Variants in DYSF observed in about 807,000 individuals in gnomAD.
DYSF encodes the protein dystrophy-associated fer-1-like 1.
In DYSF, 212 loss-of-function variants were observed where a neutral mutation model predicts 274.9. The observed-to-expected ratio is 0.77, with a 90% confidence interval of 0.69 to 0.86. The LOEUF (loss-of-function observed/expected upper bound fraction) is 0.86. DYSF is among the 40% of genes least tolerant of loss of function. The pLI, the probability that DYSF is intolerant of heterozygous loss-of-function variation, is 0.00. For synonymous variants in DYSF, 1,091 were observed against 1,078.7 expected (o/e 1.01, Z -0.22); for missense variants, 2,666 against 2,783.2 (o/e 0.96, Z 0.95).
chr2:71,562,899 G>A (rs1418564686), intron 23 of DYSF, among the ~76,000 whole-genome samples: 1 of 152,168 alleles, frequency 6.6e-6, no homozygotes, highest in Non-Finnish European at 1.5e-5. Context: ...TGTAATCTCA[G>A]CCCAGACTGA....
chr2:71,610,956 G>T, intron 36 of DYSF: 1 of 470,584 alleles, frequency 2.1e-6, no homozygotes, highest in South Asian at 2.0e-5. Context: ...GCAGCTCAGG[G>T]GGCATCAGAG....
rs58100714 is a variant in DYSF at position 71,662,846 on chromosome 2, GTA to G, written c.5004-1420_5004-1419del. 4.8e-3 allele frequency among the ~76,000 whole-genome samples: 529 copies of G among 109,122 alleles called. 1 individual carries two copies. Among genetic ancestry groups the G allele is most frequent in the Middle Eastern group, 0.042 (7 of 168 alleles). The allele number at this position is 109,122 out of a possible 152,430, so 71.6% of individuals were successfully genotyped here. A position where few individuals can be genotyped will look rare whatever the true frequency, so the allele number is the denominator to read the frequency against. ...TATGTGCATTTGTGTATATGTGTGT[GTA>G]TGTGTGTGTGTCTGTGTCCATGTAT... On this transcript the variant is annotated intron_variant, in intron 45 of 55. Coordinates refer to ENST00000410020, the MANE Select transcript of DYSF (RefSeq NM_001130987.2).
At chr2:71,653,006 GT>G (rs1286934039) in intron 42 of DYSF, among the ~76,000 whole-genome samples, 4 of 152,224 alleles carry the variant, frequency 2.6e-5, no homozygotes, top group Non-Finnish European at 4.4e-5. Context: ...TGAAGACATT[GT>G]AAGTATAATT....
At chr2:71,590,100 G>A (rs2093214459) in intron 31 of DYSF, 111 bp from the exon 32 acceptor site, 5 of 1,057,082 alleles carry the variant, frequency 4.7e-6, no homozygotes, top group Non-Finnish European at 7.3e-6. Context: ...CCCTCATTCA[G>A]CCCCTCTGTC....
intron 40 of DYSF, among the ~76,000 whole-genome samples, chr2:71,617,236 A>G (rs531793136): frequency 9.2e-5 from 14 of 152,340 alleles, no homozygotes; most frequent in African/African-American, 2.6e-4. Context: ...AATTAGAGAA[A>G]TAACTTTTAG....
At chr2:71,676,875 G>C (rs990192844) in intron 52 of DYSF, among the ~76,000 whole-genome samples, 1 of 151,924 alleles carries the variant, frequency 6.6e-6, no homozygotes, top group African/African-American at 2.4e-5. Context: ...CATCCAGATA[G>C]CCTGTGTTTC....
At chr2:71,488,194 T>TCCCCAATGAAAAGAAA (rs1481716153) in intron 3 of DYSF, among the ~76,000 whole-genome samples, 5 of 152,074 alleles carry the variant, frequency 3.3e-5, no homozygotes, top group African/African-American at 1.2e-4. Context: ...AGAATTTTGG[T>TCCCCAATGAAAAGAAA]AAAATGAAAA....
intron 52 of DYSF, among the ~76,000 whole-genome samples, chr2:71,676,884 T>G (rs2095231127): frequency 6.6e-6 from 1 of 152,160 alleles, no homozygotes; most frequent in Non-Finnish European, 1.5e-5. Context: ...AGCCTGTGTT[T>G]CCTTACAGTC....
intron 26 of DYSF, 140 bp downstream of exon 26, chr2:71,568,478 C>T (rs1024816086): frequency 1.7e-6 from 2 of 1,143,700 alleles, no homozygotes; most frequent in Non-Finnish European, 1.2e-6. Flanking sequence ...CCGCTGAACT[C>T]TCCCAGGACT....
Position 71,669,170 on chromosome 2 carries a change from C to T in DYSF, c.5605C>T (p.Leu1869Phe), listed in dbSNP as rs1486691301. The change falls in exon 50 of 56, where the codon CTC becomes TTC. Residue 1869 changes from leucine (L) to phenylalanine (F), a missense_variant. Physicochemically the swap from Leu to Phe is conservative, Grantham distance 22. Transcript: ENST00000410020. ...AGATGTGATCCTGGATGACCTGAGC[C>T]TCACGGGGGAGAAGATGAGCGACAT... Reference protein sequence around the residue: ...TRDVILDDLSLTGEKMSDIYV... With the variant: ...TRDVILDDLSFTGEKMSDIYV... 2.5e-6 allele frequency: 4 copies of T among 1,610,696 alleles called. No individual in the cohort carries two copies. The highest frequency in any genetic ancestry group is 3.4e-6 in the Non-Finnish European group (4 of 1,178,700).
chr2:71,466,541 C>T (rs2081543410), upstream of DYSF, among the ~76,000 whole-genome samples: 1 of 152,168 alleles, frequency 6.6e-6, no homozygotes, highest in East Asian at 1.9e-4. Flanking sequence ...GGAGCTGGGA[C>T]CCGCGGAGCT....
chr2:71,535,176 T>A, intron 15 of DYSF, 87 bp downstream of exon 15: 1 of 1,600,632 alleles, frequency 6.2e-7, no homozygotes, highest in South Asian at 1.1e-5. Context: ...CCCAGCATCC[T>A]GCCAGTATCC....
chr2:71,501,657 T>C (rs1287858511), intron 3 of DYSF, among the ~76,000 whole-genome samples: 3 of 152,228 alleles, frequency 2.0e-5, no homozygotes, highest in Non-Finnish European at 4.4e-5. Flanking sequence ...TCATACAATA[T>C]TTGTCTTTTT....
At chr2:71,532,144 T>A (rs1353180082) in intron 14 of DYSF, among the ~76,000 whole-genome samples, 2 of 152,240 alleles carry the variant, frequency 1.3e-5, no homozygotes, top group East Asian at 3.8e-4. Context: ...GATGGCTGCA[T>A]AATATTCTGT....
intron 10 of DYSF, among the ~76,000 whole-genome samples, chr2:71,519,543 T>TACAA (rs2087007513): frequency 6.6e-6 from 1 of 152,216 alleles, no homozygotes. Context: ...TCTGTGGATT[T>TACAA]TTAATAGAAA....
chr2:71,620,723 C>T, intron 41 of DYSF, 114 bp downstream of exon 41: 1 of 1,172,254 alleles, frequency 8.5e-7, no homozygotes, highest in Non-Finnish European at 1.2e-6. Context: ...GAGGTATTTC[C>T]TGAGCCCTAG....
chr2:71,561,844 C>G lies in DYSF; in HGVS notation c.2309C>G (p.Thr770Ser). The change falls in exon 23 of 56, where the codon ACT (threonine) becomes AGT (serine). Residue 770 changes from threonine (T) to serine (S), a missense_variant. Around this residue, in one of 3 missense-constraint regions of DYSF, gnomAD observed 412 missense variants for 504.0 expected, o/e 0.82. Transcript: ENST00000410020. ...CGCACCCATCACCTGAGCCAAATCA[C>G]TGAGGCTGCCCTGGCCCTGAAGCTC... ...QLRTHHLSQI[T>S]EAALALKLGH... 1 of 1,614,206 alleles carries G rather than the reference C, an allele frequency of 6.2e-7. No homozygotes were observed. Among genetic ancestry groups the G allele is most frequent in the Non-Finnish European group, 8.5e-7 (1 of 1,180,032 alleles).
intron 3 of DYSF, among the ~76,000 whole-genome samples, chr2:71,490,602 C>T (rs1436848676): frequency 1.3e-5 from 2 of 152,270 alleles, no homozygotes; most frequent in Non-Finnish European, 2.9e-5. Flanking sequence ...GTTGGGATTA[C>T]AGGCGTGAGC....
chr2:71,683,801 CTG>C (rs1441493082), intron 55 of DYSF, among the ~76,000 whole-genome samples: 3 of 152,240 alleles, frequency 2.0e-5, no homozygotes, highest in African/African-American at 4.8e-5. Flanking sequence ...GCTCTTTGCT[CTG>C]TGAGTCCTCC....
Sources: gnomAD v4.1 joint callset for allele counts (sites outside exome capture counted in the v4.1 genomes callset) on GRCh38, gnomAD v4.1.1 for gene constraint, gnomAD v4.1.1 regional missense constraint, MANE v1.5 for transcripts, NCBI Gene and HGNC (gene_info 2026-07-23, HGNC 2026-07-21) for gene names.